The following LRRC4C variants were observed in gnomAD, a reference collection of about 807,000 sequenced individuals.
The protein encoded by LRRC4C is leucine-rich repeat-containing protein 4C.
LRRC4C carries 5 observed loss-of-function variants against 33.6 expected under a neutral mutation model. That is an observed-to-expected ratio of 0.15 (90% CI 0.08 to 0.31). The LOEUF (loss-of-function observed/expected upper bound fraction) is 0.31. Ranked by LOEUF, LRRC4C falls within the 10% of genes least tolerant of loss-of-function variation. The pLI is 1.00. For missense variants in LRRC4C, 560 were observed against 796.7 expected, an observed-to-expected ratio of 0.70 and a Z score of 3.58; for synonymous variants, 329 against 302.0, an observed-to-expected ratio of 1.09 and a Z score of -0.93.
At chr11:41,442,027 A>G (rs1955636324) in intron 1 of LRRC4C, among the ~76,000 whole-genome samples, 1 of 152,198 alleles carries the variant, frequency 6.6e-6, no homozygotes, top group Non-Finnish European at 1.5e-5. Flanking sequence ...TATTTTCTTT[A>G]TATAGTTGTC....
At chr11:41,189,624 C>G (rs964959583) in intron 1 of LRRC4C, among the ~76,000 whole-genome samples, 1 of 152,112 alleles carries the variant, frequency 6.6e-6, no homozygotes, top group South Asian at 2.1e-4. Context: ...AAGGTTTACT[C>G]AGAGGGTATT....
At chr11:40,687,018 G>C (rs1944993921) in intron 2 of LRRC4C, among the ~76,000 whole-genome samples, 1 of 152,062 alleles carries the variant, frequency 6.6e-6, no homozygotes, top group Non-Finnish European at 1.5e-5. Flanking sequence ...CCGGGCAATT[G>C]GTACCCACAT....
At chr11:41,350,527 A>G (rs1951946841) in intron 1 of LRRC4C, among the ~76,000 whole-genome samples, 1 of 136,016 alleles carries the variant, frequency 7.4e-6, no homozygotes, top group African/African-American at 2.6e-5. Flanking sequence ...AAAAAAAAAA[A>G]GAAAGAAAGA....
chr11:41,069,061 T>C (rs1938482882), intron 1 of LRRC4C, among the ~76,000 whole-genome samples: 1 of 152,182 alleles, frequency 6.6e-6, no homozygotes, highest in Non-Finnish European at 1.5e-5. Flanking sequence ...ATTAAAAGGC[T>C]TAAACCACCA....
At chr11:40,806,181 T>G (rs1278275107) in intron 2 of LRRC4C, among the ~76,000 whole-genome samples, 3 of 152,310 alleles carry the variant, frequency 2.0e-5, no homozygotes, top group Middle Eastern at 3.4e-3. Context: ...CTTAAAAAAT[T>G]TAGGCCACTT....
intron 3 of LRRC4C, among the ~76,000 whole-genome samples, chr11:40,394,873 T>C (rs554621226): frequency 6.6e-6 from 1 of 152,304 alleles, no homozygotes; most frequent in African/African-American, 2.4e-5. Flanking sequence ...TGTAATTTCC[T>C]ACTGTATCTA....
chr11:41,243,027 G>A (rs1383784926), intron 1 of LRRC4C, among the ~76,000 whole-genome samples: 5 of 152,080 alleles, frequency 3.3e-5, no homozygotes, highest in Non-Finnish European at 5.9e-5. Context: ...AGCACATTCC[G>A]TCAAAAATTA....
At chr11:40,743,418 CTCATTGGG>C (rs1948258728) in intron 2 of LRRC4C, among the ~76,000 whole-genome samples, 2 of 152,168 alleles carry the variant, frequency 1.3e-5, no homozygotes, top group South Asian at 4.1e-4. Flanking sequence ...TAAAATGGAT[CTCATTGGG>C]CTAAAATTAA....
intron 2 of LRRC4C, among the ~76,000 whole-genome samples, chr11:40,772,320 G>T (rs1294076216): frequency 1.3e-5 from 2 of 152,178 alleles, no homozygotes; most frequent in Non-Finnish European, 2.9e-5. Context: ...GAGCATGGGA[G>T]AACTGCTCCC....
chr11:40,186,298 G>T (rs1861394958), intron 5 of LRRC4C, among the ~76,000 whole-genome samples: 1 of 152,058 alleles, frequency 6.6e-6, no homozygotes, highest in South Asian at 2.1e-4. Context: ...TGAGTGTCTG[G>T]GAATTTCTCC....
rs765752075 is a variant in LRRC4C at position 40,114,847 on chromosome 11, G to A, written c.1446C>T (p.Val482=). ...TDNNVGPTPV[V]DWETTNVTTS... Reference sequence around the variant, plus strand: ...TGGTCACATTGGTGGTCTCCCAGTCGACCACTGGAGTGGGACCCACATTGT... The same window carrying A: ...TGGTCACATTGGTGGTCTCCCAGTCAACCACTGGAGTGGGACCCACATTGT... Residue 482 remains valine, a synonymous_variant, in exon 7 of 7, where the codon GTC becomes GTT. Transcript: ENST00000528697. 6.2e-6 allele frequency: 10 copies of A among 1,613,938 alleles called. No individual in the cohort carries two copies. Among genetic ancestry groups the A allele is most frequent in the African/African-American group, 1.3e-5 (1 of 74,882 alleles).
chr11:41,302,504 G>T lies in LRRC4C; in HGVS notation c.-496+156927C>A, dbSNP rs569377085. 5.9e-5 allele frequency among the ~76,000 whole-genome samples: 9 copies of T among 152,188 alleles called. No homozygotes were observed. In the South Asian group the frequency reaches 1.7e-3, roughly 28 times the overall value. On this transcript the variant is annotated intron_variant, in intron 1 of 6. Coordinates refer to ENST00000528697, the MANE Select transcript of LRRC4C (RefSeq NM_001258419.2). ...ATTAAACAAAGTCTGTAAGTACTTG[G>T]ATCAAATACAAACTTTGTTTTCGAG...
At chr11:40,313,261 A>G (rs1210147966) in intron 4 of LRRC4C, among the ~76,000 whole-genome samples, 2 of 152,098 alleles carry the variant, frequency 1.3e-5, no homozygotes, top group African/African-American at 4.8e-5. Flanking sequence ...GACTTACCAC[A>G]ACAGGCAGGA....
chr11:40,885,238 G>A (rs1449441096), intron 2 of LRRC4C, among the ~76,000 whole-genome samples: 2 of 152,040 alleles, frequency 1.3e-5, no homozygotes, highest in African/African-American at 4.8e-5. Context: ...TAAATTTAAA[G>A]TTATTGCTTA....
At chr11:40,276,781 T>A (rs1376792544) in intron 4 of LRRC4C, among the ~76,000 whole-genome samples, 1 of 151,780 alleles carries the variant, frequency 6.6e-6, no homozygotes, top group Non-Finnish European at 1.5e-5. Flanking sequence ...TGCTGTTTTG[T>A]GCCTGTCTTC....
intron 1 of LRRC4C, among the ~76,000 whole-genome samples, chr11:41,059,321 CA>C (rs1373883257): frequency 1.0e-4 from 15 of 144,894 alleles, no homozygotes; most frequent in Non-Finnish European, 2.1e-4. Context: ...TTATCTAACA[CA>C]AAGGAAGATG....
At chr11:41,272,847 C>A (rs541756239) in intron 1 of LRRC4C, among the ~76,000 whole-genome samples, 23 of 152,216 alleles carry the variant, frequency 1.5e-4, no homozygotes, top group Admixed American at 9.8e-4. Flanking sequence ...ATTTAAAGAT[C>A]AGAAACATTA....
Position 40,205,437 on chromosome 11 carries a change from A to G in LRRC4C, c.-96+36082T>C, listed in dbSNP as rs549534881. 9.2e-5 allele frequency among the ~76,000 whole-genome samples: 14 copies of G among 152,256 alleles called. No homozygotes were observed. The South Asian group carries it at 2.9e-3, about 32-fold the overall frequency. ...TATCTCATTAAAACCCTCAAGAAAA[A>G]AACACTATATATTCAATTACGGGGG... On this transcript the variant is annotated intron_variant, in intron 5 of 6. Coordinates refer to ENST00000528697, the MANE Select transcript of LRRC4C (RefSeq NM_001258419.2).
At chr11:40,203,895 T>C (rs1229958571) in intron 5 of LRRC4C, among the ~76,000 whole-genome samples, 1 of 152,180 alleles carries the variant, frequency 6.6e-6, no homozygotes, top group Non-Finnish European at 1.5e-5. Flanking sequence ...ACACAGGAAA[T>C]CTGAGATCTT....
Sources: allele counts gnomAD v4.1 joint callset (sites outside exome capture counted in the v4.1 genomes callset), GRCh38; gene constraint gnomAD v4.1.1; transcripts MANE v1.5; gene names NCBI Gene and HGNC (gene_info 2026-07-23, HGNC 2026-07-21).